Variants in ASTN2 observed in about 807,000 individuals in gnomAD.
ASTN2 encodes astrotactin-2.
A neutral mutation model predicts 139.8 loss-of-function variants in ASTN2; 54 were observed. The observed-to-expected ratio is 0.39, with a 90% confidence interval of 0.31 to 0.48. The LOEUF (loss-of-function observed/expected upper bound fraction) is 0.48. Among genes scored for constraint, ASTN2 ranks in the 20% least tolerant of loss-of-function variants. ASTN2 has a pLI of 0.95. For missense variants in ASTN2, 1,565 were observed against 1,725.1 expected (o/e 0.91, Z 1.64); for synonymous variants, 756 against 719.5 (o/e 1.05, Z -0.81).
intron 7 of ASTN2, among the ~76,000 whole-genome samples, chr9:116,999,432 C>T (rs370804170): frequency 1.3e-5 from 2 of 151,434 alleles, no homozygotes; most frequent in Non-Finnish European, 2.9e-5. Flanking sequence ...CTGAAGTTCA[C>T]GGTATGTAAC....
At chr9:116,529,654 C>A (rs755378972) in intron 19 of ASTN2, among the ~76,000 whole-genome samples, 1 of 152,170 alleles carries the variant, frequency 6.6e-6, no homozygotes, top group Non-Finnish European at 1.5e-5. Flanking sequence ...GTAATCCCCA[C>A]GTGTCAGGGG....
At chr9:116,610,127 C>T (rs1338126255) in intron 19 of ASTN2, among the ~76,000 whole-genome samples, 3 of 152,008 alleles carry the variant, frequency 2.0e-5, no homozygotes. Flanking sequence ...AGGTCATGGA[C>T]TCTAAAATAA....
In ASTN2 at chr9:116,559,287, T is replaced by C. The variant is rs182917617; in HGVS notation, c.3355+59037A>G. On this transcript the variant is annotated intron_variant, in intron 19 of 22. Coordinates refer to ENST00000313400, the MANE Select transcript of ASTN2 (RefSeq NM_001365068.1). ...CAAACCAATTTAGAGAGCTGAGACC[T>C]TGGATATCTCATCAGACCAGATGGA... 2.0e-5 allele frequency among the ~76,000 whole-genome samples: 3 copies of C among 152,316 alleles called. No homozygotes were observed. The East Asian group carries it at 5.8e-4, about 29-fold the overall frequency.
At chr9:117,125,615 A>G (rs1166321329) in intron 4 of ASTN2, among the ~76,000 whole-genome samples, 1 of 152,218 alleles carries the variant, frequency 6.6e-6, no homozygotes, top group African/African-American at 2.4e-5. Context: ...TTTTGCCATT[A>G]ACTGCTCCTG....
chr9:116,442,300 T>C (rs1342852776), intron 21 of ASTN2, among the ~76,000 whole-genome samples, 153 bp downstream of exon 21: 1 of 152,214 alleles, frequency 6.6e-6, no homozygotes, highest in Non-Finnish European at 1.5e-5. Context: ...TTTAGCTCCA[T>C]GTTCCTCCTG....
intron 19 of ASTN2, among the ~76,000 whole-genome samples, chr9:116,608,314 AG>A (rs1398600318): frequency 6.6e-6 from 1 of 152,172 alleles, no homozygotes; most frequent in African/African-American, 2.4e-5. Context: ...CCCAAAACAA[AG>A]GGATTAGTGA....
intron 19 of ASTN2, among the ~76,000 whole-genome samples, chr9:116,520,278 A>G (rs1364542747): frequency 6.6e-6 from 1 of 152,166 alleles, no homozygotes; most frequent in Non-Finnish European, 1.5e-5. Flanking sequence ...TGAATTCAAC[A>G]GCATATAAAA....
intron 1 of ASTN2, among the ~76,000 whole-genome samples, chr9:117,330,907 T>C (rs1564150117): frequency 6.6e-6 from 1 of 152,130 alleles, no homozygotes; most frequent in Non-Finnish European, 1.5e-5. Context: ...GAGGACACAT[T>C]GGGTAGAGCT....
At chr9:116,637,691 T>C (rs750645316) in intron 17 of ASTN2, among the ~76,000 whole-genome samples, 4 of 152,136 alleles carry the variant, frequency 2.6e-5, no homozygotes, top group Non-Finnish European at 5.9e-5. Flanking sequence ...GTAATCCCAG[T>C]ACTTTTGGAG....
chr9:117,405,026 T>C (rs1473178312), intron 1 of ASTN2, among the ~76,000 whole-genome samples: 1 of 152,162 alleles, frequency 6.6e-6, no homozygotes, highest in African/African-American at 2.4e-5. Flanking sequence ...AGATGCTGTC[T>C]TGGCAAAGCA....
At chr9:116,975,385 G>A (rs1398173942) in intron 9 of ASTN2, 40 bp from the exon 10 acceptor site, 2 of 1,541,558 alleles carry the variant, frequency 1.3e-6, no homozygotes, top group Non-Finnish European at 1.7e-6. Context: ...TCCCTGGGAA[G>A]CAGAGAGCAA....
intron 4 of ASTN2, among the ~76,000 whole-genome samples, chr9:117,111,518 A>C (rs1829250124): frequency 6.6e-6 from 1 of 152,138 alleles, no homozygotes; most frequent in African/African-American, 2.4e-5. Context: ...CCAACTCCCC[A>C]ATCTGAGAAA....
At chr9:117,172,964 C>T (rs181590565) in intron 3 of ASTN2, among the ~76,000 whole-genome samples, 64 of 152,174 alleles carry the variant, frequency 4.2e-4, no homozygotes, top group African/African-American at 1.5e-3. Flanking sequence ...ACTAAGCATT[C>T]GCAGTTACCT....
intron 4 of ASTN2, among the ~76,000 whole-genome samples, chr9:117,125,087 C>T (rs1432049463): frequency 6.6e-6 from 1 of 152,210 alleles, no homozygotes; most frequent in Non-Finnish European, 1.5e-5. Flanking sequence ...AGGACTAGGA[C>T]AGATGTGTAA....
chr9:117,384,790 C>T (rs1174682672), intron 1 of ASTN2, among the ~76,000 whole-genome samples: 2 of 152,142 alleles, frequency 1.3e-5, no homozygotes, highest in Admixed American at 6.5e-5. Context: ...CCCAATCCTA[C>T]TTCAATCCCT....
At chr9:116,597,878 T>C (rs893024492) in intron 19 of ASTN2, among the ~76,000 whole-genome samples, 1 of 152,164 alleles carries the variant, frequency 6.6e-6, no homozygotes. Context: ...TCCTACATCG[T>C]TGATGTCAGC....
At chr9:116,550,594 A>G (rs866837553) in intron 19 of ASTN2, among the ~76,000 whole-genome samples, 1 of 152,154 alleles carries the variant, frequency 6.6e-6, no homozygotes, top group African/African-American at 2.4e-5. Context: ...GAGAGAAAAT[A>G]AGAATGCGTC....
intron 20 of ASTN2, among the ~76,000 whole-genome samples, chr9:116,479,179 C>T (rs1041020575): frequency 3.3e-5 from 5 of 152,106 alleles, no homozygotes; most frequent in African/African-American, 9.7e-5. Flanking sequence ...TCAGCAATCT[C>T]ACCTCCTATC....
intron 19 of ASTN2, among the ~76,000 whole-genome samples, chr9:116,487,927 T>C (rs1357341186): frequency 2.0e-5 from 3 of 152,208 alleles, no homozygotes; most frequent in Non-Finnish European, 1.5e-5. Context: ...ATGAAGGAAC[T>C]GGACTAAAGA....
Sources: allele counts gnomAD v4.1 joint callset (sites outside exome capture counted in the v4.1 genomes callset), GRCh38; gene constraint gnomAD v4.1.1; transcripts MANE v1.5; gene names NCBI Gene and HGNC (gene_info 2026-07-23, HGNC 2026-07-21).